KCNJ15: variants seen among roughly 807,000 people sequenced by gnomAD.
KCNJ15 encodes the protein ATP-sensitive inward rectifier potassium channel 15.
Under a neutral mutation model 23.0 loss-of-function variants are expected in KCNJ15, and 14 were observed. The observed-to-expected ratio is 0.61, with a 90% CI of 0.40 to 0.95. KCNJ15 has a LOEUF of 0.95. Among genes scored for constraint, KCNJ15 ranks in the 40% least tolerant of loss-of-function variants. The pLI is 0.00. For missense variants in KCNJ15, 388 were observed against 461.8 expected (o/e 0.84, Z 1.46); for synonymous variants, 185 against 183.2 (o/e 1.01, Z -0.08).
At chr21:38,292,829 C>T (rs1278587031) in intron 1 of KCNJ15, among the ~76,000 whole-genome samples, 5 of 151,862 alleles carry the variant, frequency 3.3e-5, no homozygotes, top group East Asian at 1.9e-4. Flanking sequence ...ATTAGCCAGG[C>T]GTAATGGCGG....
chr21:38,285,282 C>G (rs761736885), intron 1 of KCNJ15, among the ~76,000 whole-genome samples: 10 of 152,174 alleles, frequency 6.6e-5, no homozygotes, highest in Non-Finnish European at 8.8e-5. Flanking sequence ...ATGACAATAA[C>G]AGTTAACACT....
At chr21:38,271,846 G>A (rs1329315790) in intron 1 of KCNJ15, among the ~76,000 whole-genome samples, 2 of 152,164 alleles carry the variant, frequency 1.3e-5, no homozygotes, top group Non-Finnish European at 2.9e-5. Flanking sequence ...TGTCTAAACC[G>A]AAGGCAGGTG....
intron 1 of KCNJ15, among the ~76,000 whole-genome samples, chr21:38,291,213 C>G (rs1404081723): frequency 2.0e-5 from 3 of 152,100 alleles, no homozygotes; most frequent in Non-Finnish European, 4.4e-5. Context: ...TATGGAACAC[C>G]TGAATCACAC....
chr21:38,274,072 C>A (rs1028018672), intron 1 of KCNJ15, among the ~76,000 whole-genome samples: 1 of 152,178 alleles, frequency 6.6e-6, no homozygotes, highest in South Asian at 2.1e-4. Flanking sequence ...GCCCCAGTAA[C>A]CTTTACCACT....
intron 1 of KCNJ15, chr21:38,269,004 A>G (rs1295346075): frequency 6.6e-6 from 1 of 152,204 alleles, no homozygotes; most frequent in Admixed American, 6.5e-5. Flanking sequence ...GGGATCCTCC[A>G]CAAGTGATTC....
intron 1 of KCNJ15, among the ~76,000 whole-genome samples, chr21:38,269,800 TG>T (rs1347684076): frequency 6.6e-6 from 1 of 152,116 alleles, no homozygotes; most frequent in African/African-American, 2.4e-5. Flanking sequence ...AAAGTGTCCC[TG>T]GGAGACAGAG....
At chr21:38,265,991 T>G (rs1404484304) in intron 1 of KCNJ15, among the ~76,000 whole-genome samples, 5 of 151,432 alleles carry the variant, frequency 3.3e-5, no homozygotes, top group African/African-American at 1.2e-4. Flanking sequence ...AGCAGGAGGG[T>G]GCGGGAGGTC....
intron 1 of KCNJ15, among the ~76,000 whole-genome samples, chr21:38,267,998 T>G (rs908724315): frequency 6.6e-6 from 1 of 152,186 alleles, no homozygotes; most frequent in South Asian, 2.1e-4. Context: ...TCAGGCGCCT[T>G]CTGAACAGGT....
At chr21:38,281,698 T>C (rs1983364320) in intron 1 of KCNJ15, among the ~76,000 whole-genome samples, 1 of 152,230 alleles carries the variant, frequency 6.6e-6, no homozygotes, top group African/African-American at 2.4e-5. Flanking sequence ...TGATGCCATG[T>C]ATTTGCTCTA....
At chr21:38,241,269 TA>T (rs1356241452) in intron 1 of KCNJ15, among the ~76,000 whole-genome samples, 1 of 151,764 alleles carries the variant, frequency 6.6e-6, no homozygotes, top group Non-Finnish European at 1.5e-5. Flanking sequence ...TTCTTCCTGA[TA>T]ATTTTCAGGT....
At chr21:38,239,410 C>T (rs1241205050) in intron 1 of KCNJ15, among the ~76,000 whole-genome samples, 1 of 152,172 alleles carries the variant, frequency 6.6e-6, no homozygotes, top group Non-Finnish European at 1.5e-5. Flanking sequence ...AGAGGACTCC[C>T]TTGGCAGAGA....
At chr21:38,253,503 A>G (rs1032507331), upstream of KCNJ15, among the ~76,000 whole-genome samples, 1 of 152,178 alleles carries the variant, frequency 6.6e-6, no homozygotes, top group Non-Finnish European at 1.5e-5. Context: ...GGGCTCTTTA[A>G]GCTGCTAGAT....
chr21:38,292,820 T>G (rs565466779), intron 1 of KCNJ15, among the ~76,000 whole-genome samples: 1 of 152,072 alleles, frequency 6.6e-6, no homozygotes, highest in Non-Finnish European at 1.5e-5. Flanking sequence ...AATACAAAAA[T>G]TAGCCAGGCG....
intron 1 of KCNJ15, among the ~76,000 whole-genome samples, chr21:38,281,731 T>C (rs1263526903): frequency 6.6e-6 from 1 of 150,762 alleles, no homozygotes; most frequent in East Asian, 1.9e-4. Context: ...GAGGTGAACA[T>C]ACAAATGCAT....
intron 1 of KCNJ15, among the ~76,000 whole-genome samples, chr21:38,264,420 T>C: frequency 6.6e-6 from 1 of 152,168 alleles, no homozygotes; most frequent in Non-Finnish European, 1.5e-5. Context: ...TTGGCCCCAC[T>C]TTACAATGGC....
intron 1 of KCNJ15, among the ~76,000 whole-genome samples, chr21:38,291,289 C>T (rs1984586970): frequency 6.6e-6 from 1 of 152,180 alleles, no homozygotes; most frequent in Non-Finnish European, 1.5e-5. Flanking sequence ...CTAGGTTCTC[C>T]CCACAGTCCT....
chr21:38,277,407 C>T (rs781556238), intron 1 of KCNJ15, among the ~76,000 whole-genome samples: 20 of 152,020 alleles, frequency 1.3e-4, no homozygotes, highest in Admixed American at 3.3e-4. Flanking sequence ...CGTTTAGGGG[C>T]GAGTCAAATT....
intron 1 of KCNJ15, among the ~76,000 whole-genome samples, chr21:38,246,163 C>G (rs1019780436): frequency 2.6e-5 from 4 of 152,152 alleles, no homozygotes; most frequent in African/African-American, 4.8e-5. Flanking sequence ...CACAGCAAAC[C>G]TTCAACAAAT....
chr21:38,247,057 A>AATGGATGGATGGATGGATGG (rs1234072753), intron 1 of KCNJ15, among the ~76,000 whole-genome samples: 1 of 119,970 alleles, frequency 8.3e-6, no homozygotes, highest in Non-Finnish European at 1.8e-5. Context: ...TGGATGGGTG[A>AATGGATGGATGGATGGATGG]ATGGATGGAT....
Sources: gnomAD v4.1 joint callset for allele counts (sites outside exome capture counted in the v4.1 genomes callset) on GRCh38, gnomAD v4.1.1 for gene constraint, MANE v1.5 for transcripts, NCBI Gene and HGNC (gene_info 2026-07-23, HGNC 2026-07-21) for gene names.